The following NF1 variants were observed in gnomAD, a reference collection of about 807,000 sequenced individuals.
NF1 encodes neurofibromin.
NF1 carries 122 observed loss-of-function variants against 325.7 expected under a neutral mutation model. The ratio of observed to expected loss-of-function variants is 0.37; its 90% CI spans 0.32 to 0.44. NF1 has a LOEUF of 0.44. Ranked by LOEUF, NF1 falls within the 20% of genes least tolerant of loss-of-function variation. The probability of loss-of-function intolerance (pLI) is 1.00; values close to 1 mark genes in which losing one functional copy is unlikely to be tolerated. For synonymous variants in NF1, 1,091 were observed against 1,186.0 expected (o/e 0.92, Z 1.65); for missense variants, 2,140 against 3,415.4 (o/e 0.63, Z 9.31).
intron 48 of NF1, among the ~76,000 whole-genome samples, chr17:31,343,553 A>C (rs1202114174): frequency 6.6e-6 from 1 of 152,188 alleles, no homozygotes; most frequent in East Asian, 1.9e-4. Context: ...TCAAAAAATA[A>C]ATAAATAAAT....
chr17:31,221,895 C>T lies in NF1; in HGVS notation c.1687C>T (p.Pro563Ser), dbSNP rs2066928705. ...GTTAGATAGCATTGATTTGTGGAATCCTGATGCTCCTGTAGAAACATTTTG... is the reference window on the plus strand; with the variant it reads ...GTTAGATAGCATTGATTTGTGGAATTCTGATGCTCCTGTAGAAACATTTTG... ...HQLDSIDLWN[P>S]DAPVETFWEI... The change falls in exon 15 of 58, where the codon CCT becomes TCT. Residue 563 changes from proline to serine, a missense_variant. Pro to Ser is a moderately conservative substitution (Grantham distance 74). This residue lies in a region of NF1 where 179 missense variants were observed against 381.0 expected (regional missense o/e 0.47). Transcript: ENST00000358273. 1.9e-6 allele frequency: 3 copies of T among 1,606,720 alleles called. No homozygotes were observed. The South Asian group carries it at 3.3e-5, about 18-fold the overall frequency.
At chr17:31,330,728 G>A in intron 39 of NF1, 1 of 550,978 alleles carries the variant, frequency 1.8e-6, no homozygotes, top group Non-Finnish European at 3.2e-6. Context: ...AAAGCGGCAA[G>A]AGTTTGGTAC....
intron 11 of NF1, among the ~76,000 whole-genome samples, chr17:31,202,288 C>T (rs574400123): frequency 2.2e-4 from 34 of 152,104 alleles, no homozygotes; most frequent in Admixed American, 5.9e-4. Flanking sequence ...TGCTTTCCTT[C>T]CTTAAAGGAG....
chr17:31,338,667 A>G, intron 45 of NF1, 37 bp from the exon 46 acceptor site: 1 of 1,321,998 alleles, frequency 7.6e-7, no homozygotes, highest in Non-Finnish European at 1.1e-6. Flanking sequence ...GTTTTATTTC[A>G]ATGAAAGTAA....
chr17:31,302,804 C>T (rs2068606253), intron 36 of NF1, among the ~76,000 whole-genome samples: 1 of 152,152 alleles, frequency 6.6e-6, no homozygotes, highest in South Asian at 2.1e-4. Flanking sequence ...AAGATCATGC[C>T]ACTGCACTCC....
intron 56 of NF1, chr17:31,359,231 A>G: frequency 1.9e-6 from 1 of 538,056 alleles, no homozygotes; most frequent in Non-Finnish European, 3.3e-6. Flanking sequence ...AAACAAAGTC[A>G]ACTTATGATC....
intron 1 of NF1, among the ~76,000 whole-genome samples, chr17:31,116,460 C>T (rs1049528790): frequency 6.6e-6 from 1 of 151,910 alleles, no homozygotes; most frequent in Non-Finnish European, 1.5e-5. Flanking sequence ...AGAGTATCTG[C>T]GTAATCTAAC....
In NF1 at chr17:31,325,862, T is replaced by C. The variant is rs374589653; in HGVS notation, c.4878T>C (p.His1626=). 9 of 1,614,084 alleles carry C rather than the reference T, an allele frequency of 5.6e-6. No individual in the cohort carries two copies. Among genetic ancestry groups the C allele is most frequent in the Non-Finnish European group, 7.6e-6 (9 of 1,180,024 alleles). ...TCAATGGTGATTTGCTGATATACCATGTCTTACTGACTTTAAAGCCATATT... is the reference window on the plus strand; with the variant it reads ...TCAATGGTGATTTGCTGATATACCACGTCTTACTGACTTTAAAGCCATATT... ...GQINGDLLIY[H]VLLTLKPYYA... Residue 1626 remains histidine, a synonymous_variant, in exon 37 of 58, where the codon CAT becomes CAC. Coordinates refer to ENST00000358273, the MANE Select transcript of NF1 (RefSeq NM_001042492.3).
At chr17:31,243,981 G>T (rs897421459) in intron 29 of NF1, among the ~76,000 whole-genome samples, 3 of 152,086 alleles carry the variant, frequency 2.0e-5, no homozygotes, top group Non-Finnish European at 4.4e-5. Context: ...AGTACTGCCT[G>T]GCTATCCCTC....
At chr17:31,373,253 A>C (rs897592126) in intron 57 of NF1, among the ~76,000 whole-genome samples, 1 of 152,214 alleles carries the variant, frequency 6.6e-6, no homozygotes, top group Non-Finnish European at 1.5e-5. Context: ...TTGAAGTGAC[A>C]AATTTGCTGG....
At chr17:31,307,358 C>T (rs2068752561) in intron 36 of NF1, among the ~76,000 whole-genome samples, 1 of 152,130 alleles carries the variant, frequency 6.6e-6, no homozygotes, top group African/African-American at 2.4e-5. Context: ...TAAAAGTATG[C>T]AGGAGATGTA....
intron 50 of NF1, 89 bp downstream of exon 50, chr17:31,350,407 A>G: frequency 4.4e-6 from 5 of 1,148,476 alleles, no homozygotes; most frequent in Non-Finnish European, 6.4e-6. Flanking sequence ...GTAATCTAGA[A>G]GGTAACATGG....
chr17:31,227,168 C>T (rs1301849799), intron 18 of NF1, 50 bp from the exon 19 acceptor site: 1 of 1,577,278 alleles, frequency 6.3e-7, no homozygotes, highest in East Asian at 2.2e-5. Flanking sequence ...TCTCCATTGG[C>T]AGGCAGGGCT....
At chr17:31,267,215 AGCCACTGCACCTG>A (rs1267414279) in intron 36 of NF1, among the ~76,000 whole-genome samples, 2 of 152,140 alleles carry the variant, frequency 1.3e-5, no homozygotes, top group Non-Finnish European at 2.9e-5. Context: ...TACAGGTGTG[AGCCACTGCACCTG>A]GCCTTAGCTG....
intron 5 of NF1, among the ~76,000 whole-genome samples, chr17:31,176,997 T>C (rs1363257965): frequency 6.6e-6 from 1 of 152,208 alleles, no homozygotes; most frequent in Non-Finnish European, 1.5e-5. Context: ...GGCTCTTTTC[T>C]GGTTTCATAT....
At chr17:31,258,869 A>G (rs1226669313) in intron 32 of NF1, among the ~76,000 whole-genome samples, 163 bp from the exon 33 acceptor site, 1 of 152,160 alleles carries the variant, frequency 6.6e-6, no homozygotes, top group Non-Finnish European at 1.5e-5. Context: ...TGGGAAGGTT[A>G]GAAACACTAC....
intron 36 of NF1, chr17:31,295,514 A>G (rs2068444861): frequency 6.2e-7 from 1 of 1,614,042 alleles, no homozygotes; most frequent in Admixed American, 1.7e-5. Flanking sequence ...GCTTGAGGTA[A>G]ATCCAGAAGG....
At chr17:31,216,889 C>T (rs2066828207) in intron 13 of NF1, among the ~76,000 whole-genome samples, 1 of 152,146 alleles carries the variant, frequency 6.6e-6, no homozygotes, top group Admixed American at 6.5e-5. Flanking sequence ...AATCTGCTTA[C>T]TCTTAACATA....
At chr17:31,170,055 T>C in intron 5 of NF1, 58 bp downstream of exon 5, 1 of 1,040,896 alleles carries the variant, frequency 9.6e-7, no homozygotes, top group Non-Finnish European at 1.5e-6. Context: ...ACTAGTATCA[T>C]GAATGTACTA....
Sources: allele counts gnomAD v4.1 joint callset (sites outside exome capture counted in the v4.1 genomes callset), GRCh38; gene constraint gnomAD v4.1.1; regional missense constraint gnomAD v4.1.1; transcripts MANE v1.5; gene names NCBI Gene and HGNC (gene_info 2026-07-23, HGNC 2026-07-21).